Variants in RFTN1 observed in about 807,000 individuals in gnomAD.
RFTN1 encodes the protein raftlin.
RFTN1 carries 26 observed loss-of-function variants against 46.5 expected under a neutral mutation model. The ratio of observed to expected loss-of-function variants is 0.56; its 90% CI spans 0.41 to 0.78. RFTN1 has a LOEUF of 0.78. Among genes scored for constraint, RFTN1 ranks in the 30% least tolerant of loss-of-function variants. The pLI is 0.00. For missense variants in RFTN1, 693 were observed against 718.7 expected (o/e 0.96, Z 0.41); for synonymous variants, 261 against 284.2 (o/e 0.92, Z 0.82).
At position 16,361,782 on chromosome 3, in the gene RFTN1, G is replaced by A. The variant is rs896270507; in HGVS notation, c.1031-3735C>T. ...ATGCAAGCAGAGACATAAAAAGCAC[G>A]TGTGTGGTTGAACTTGGCCTCTTGT... On this transcript the variant is annotated intron_variant, in intron 6 of 9. Coordinates refer to ENST00000334133, the MANE Select transcript of RFTN1 (RefSeq NM_015150.2). The surrounding 1 kb of genome is among the most constrained non-coding windows in gnomAD (Gnocchi z 4.3). Among the ~76,000 whole-genome samples, 5 of 152,216 alleles carry A rather than the reference G, an allele frequency of 3.3e-5. No homozygotes were observed. The highest frequency in any genetic ancestry group is 3.2e-3 in the Middle Eastern group (1 of 316).
intron 1 of RFTN1, among the ~76,000 whole-genome samples, chr3:16,502,400 G>T (rs901084732): frequency 2.7e-5 from 4 of 148,310 alleles, no homozygotes; most frequent in African/African-American, 7.4e-5. Context: ...AAAAAAAAAA[G>T]AAAGAAAGAA....
rs1487276522 is a variant in RFTN1, at chr3:16,427,126, T to C, written c.332+6725A>G. ...CAAGATGGCAGCCAGTGGCATGGGTTAGGGACAAACAATCCTACTTTGGAA... is the reference window on the plus strand; with the variant it reads ...CAAGATGGCAGCCAGTGGCATGGGTCAGGGACAAACAATCCTACTTTGGAA... On this transcript the variant is annotated intron_variant, in intron 3 of 9. Transcript: ENST00000334133. The surrounding 1 kb of genome is among the most constrained non-coding windows in gnomAD (Gnocchi z 5.4). Among the ~76,000 whole-genome samples, 1 of 152,218 alleles carries C rather than the reference T, an allele frequency of 6.6e-6. No individual in the cohort carries two copies. The highest frequency in any genetic ancestry group is 1.5e-5 in the Non-Finnish European group (1 of 68,040).
chr3:16,487,795 G>A (rs2076473926), intron 2 of RFTN1, among the ~76,000 whole-genome samples: 2 of 152,202 alleles, frequency 1.3e-5, no homozygotes, highest in Admixed American at 1.3e-4. Flanking sequence ...CTGGCAAAAC[G>A]CTCACATAAA....
At chr3:16,359,248 G>A (rs1022011226) in intron 6 of RFTN1, among the ~76,000 whole-genome samples, 1 of 152,072 alleles carries the variant, frequency 6.6e-6, no homozygotes, top group Admixed American at 6.6e-5. Context: ...CAAGGGCTAG[G>A]TCTCTCATCT....
chr3:16,488,282 A>T (rs1041856715), intron 2 of RFTN1, among the ~76,000 whole-genome samples: 1 of 152,142 alleles, frequency 6.6e-6, no homozygotes, highest in African/African-American at 2.4e-5. Flanking sequence ...TATTTTTAGT[A>T]GAGATGGGGT....
At position 16,352,645 on chromosome 3, in the gene RFTN1, A is replaced by G. The variant is rs2072178409; in HGVS notation, c.1146+5287T>C. 6.6e-6 allele frequency among the ~76,000 whole-genome samples: 1 copy of G among 152,178 alleles called. No homozygotes were observed. The highest frequency in any genetic ancestry group is 6.5e-5 in the Admixed American group (1 of 15,278). On this transcript the variant is annotated intron_variant, in intron 7 of 9. Transcript: ENST00000334133. The surrounding 1 kb of genome is among the most constrained non-coding windows in gnomAD (Gnocchi z 4.6). ...ATAAAACGAAGGCAATGGGGGGAGG[A>G]TCTGTCTCACTGATGATACCAGGTG...
intron 1 of RFTN1, among the ~76,000 whole-genome samples, chr3:16,508,955 G>A (rs910539568): frequency 5.9e-5 from 9 of 152,264 alleles, no homozygotes; most frequent in East Asian, 1.9e-4. Flanking sequence ...CTTGAAATGC[G>A]GTGAGTGAGA....
chr3:16,338,913 T>C lies in RFTN1; in HGVS notation c.1147-12037A>G, dbSNP rs770799854. 8.5e-5 allele frequency among the ~76,000 whole-genome samples: 13 copies of C among 152,200 alleles called. No homozygotes were observed. Among genetic ancestry groups the C allele is most frequent in the Non-Finnish European group, 1.9e-4 (13 of 68,024 alleles). ...ACCCAAAACTGTCAACGTTGTCCCC[T>C]CCACCTGTCAGCAGTGGATTCCTAA... On this transcript the variant is annotated intron_variant, in intron 7 of 9. Coordinates refer to ENST00000334133, the MANE Select transcript of RFTN1 (RefSeq NM_015150.2). This position sits in a 1 kb window ranked among gnomAD's most constrained non-coding sequence, Gnocchi z 5.3.
At position 16,407,530 on chromosome 3, in the gene RFTN1, G is replaced by A. The variant is rs2074887943; in HGVS notation, c.441+1845C>T. Among the ~76,000 whole-genome samples the A allele has an allele frequency of 6.6e-6, 1 of 152,124 alleles. No individual in the cohort carries two copies. Among genetic ancestry groups the A allele is most frequent in the African/African-American group, 2.4e-5 (1 of 41,416 alleles). ...TTTTAAAAAGCATATTTGAGAGTGG[G>A]CAGAGCCTTATGCCTTTCTTTTACT... is the stretch of plus-strand genomic sequence containing the variant. On this transcript the variant is annotated intron_variant, in intron 4 of 9. Transcript: ENST00000334133. The surrounding 1 kb of genome is among the most constrained non-coding windows in gnomAD (Gnocchi z 4.0).
Position 16,321,488 on chromosome 3 carries a change from G to C in RFTN1, c.1332+1888C>G, listed in dbSNP as rs964665232. Among the ~76,000 whole-genome samples, 1 of 152,172 alleles carries C rather than the reference G, an allele frequency of 6.6e-6. No individual in the cohort carries two copies. The highest frequency in any genetic ancestry group is 2.4e-5 in the African/African-American group (1 of 41,424). On this transcript the variant is annotated intron_variant, in intron 9 of 9. Transcript: ENST00000334133. The surrounding 1 kb of genome is among the most constrained non-coding windows in gnomAD (Gnocchi z 4.8). ...ATGGAGTGACTCTCGGTCACCAGGG[G>C]ACACAGGCCTGTGGGAGTAGGACGC...
At position 16,426,466 on chromosome 3, in the gene RFTN1, A is replaced by C. The variant is rs145988718; in HGVS notation, c.332+7385T>G. ...CCAATTTTGCCCTTTTCAAATGCCA[A>C]AGAAAATGTTCATATTATCTTGTAG... On this transcript the variant is annotated intron_variant, in intron 3 of 9. Coordinates refer to ENST00000334133, the MANE Select transcript of RFTN1 (RefSeq NM_015150.2). The surrounding 1 kb of genome is among the most constrained non-coding windows in gnomAD (Gnocchi z 5.9). Among the ~76,000 whole-genome samples the C allele has an allele frequency of 2.6e-3, 391 of 152,312 alleles. 1 individual carries two copies. Among genetic ancestry groups the C allele is most frequent in the African/African-American group, 9.0e-3 (372 of 41,560 alleles).
chr3:16,376,755 C>T lies in RFTN1; in HGVS notation c.826+963G>A, dbSNP rs978025694. Among the ~76,000 whole-genome samples the T allele has an allele frequency of 7.9e-5, 12 of 152,150 alleles. No individual in the cohort carries two copies. Among genetic ancestry groups the T allele is most frequent in the African/African-American group, 2.9e-4 (12 of 41,438 alleles). ...CTCTAAATCAACTTTGCAAATAAGC[C>T]CCTGGAATTAACCATCCCATAATTT... On this transcript the variant is annotated intron_variant, in intron 5 of 9. Coordinates refer to ENST00000334133, the MANE Select transcript of RFTN1 (RefSeq NM_015150.2). This position sits in a 1 kb window ranked among gnomAD's most constrained non-coding sequence, Gnocchi z 4.7.
At position 16,321,640 on chromosome 3, in the gene RFTN1, AG is replaced by A. The variant is rs934394272; in HGVS notation, c.1332+1735del. On this transcript the variant is annotated intron_variant, in intron 9 of 9. Transcript: ENST00000334133. The surrounding 1 kb of genome is among the most constrained non-coding windows in gnomAD (Gnocchi z 4.8). ...TGAGGTGACCCAGAGGGTCTTGTGT[AG>A]AACAAGTGCTCCACACCAGTCACCT... is the stretch of plus-strand genomic sequence containing the variant. 6.6e-5 allele frequency among the ~76,000 whole-genome samples: 10 copies of A among 152,154 alleles called. No homozygotes were observed. Among genetic ancestry groups the A allele is most frequent in the African/African-American group, 2.4e-4 (10 of 41,430 alleles).
intron 2 of RFTN1, among the ~76,000 whole-genome samples, chr3:16,492,439 G>A (rs2076551730): frequency 6.6e-6 from 1 of 152,180 alleles, no homozygotes; most frequent in Non-Finnish European, 1.5e-5. Flanking sequence ...GGACACCCGT[G>A]TTCCTTTTAT....
chr3:16,320,342 A>G lies in RFTN1; in HGVS notation c.1332+3034T>C, dbSNP rs1438156207. On this transcript the variant is annotated intron_variant, in intron 9 of 9. Transcript: ENST00000334133. The surrounding 1 kb of genome is among the most constrained non-coding windows in gnomAD (Gnocchi z 4.5). The stretch of plus-strand genomic sequence containing the variant: ...ATGTTGCTGATTAAAAGAAGACTAA[A>G]TATGCCACATCCTCGGTGTGCCAAT... 6.6e-6 allele frequency among the ~76,000 whole-genome samples: 1 copy of G among 152,240 alleles called. No homozygotes were observed. The highest frequency in any genetic ancestry group is 1.5e-5 in the Non-Finnish European group (1 of 68,044).
chr3:16,496,476 G>A (rs961870140), intron 1 of RFTN1, among the ~76,000 whole-genome samples: 4 of 152,196 alleles, frequency 2.6e-5, no homozygotes, highest in African/African-American at 9.6e-5. Context: ...GAACATAAGA[G>A]AAGAAGCTCA....
intron 4 of RFTN1, among the ~76,000 whole-genome samples, chr3:16,379,517 TAA>T (rs1386709608): frequency 6.6e-6 from 1 of 152,176 alleles, no homozygotes; most frequent in Non-Finnish European, 1.5e-5. Context: ...CCAGAGACAT[TAA>T]AGTCATAAAA....
chr3:16,428,308 G>C lies in RFTN1; in HGVS notation c.332+5543C>G, dbSNP rs2075322270. On this transcript the variant is annotated intron_variant, in intron 3 of 9. Coordinates refer to ENST00000334133, the MANE Select transcript of RFTN1 (RefSeq NM_015150.2). This position sits in a 1 kb window ranked among gnomAD's most constrained non-coding sequence, Gnocchi z 4.7. ...ACCATCCTAGGTGTGATTCCAATGA[G>C]TACTCACTATAAACCCAAACCAGCT... Among the ~76,000 whole-genome samples the C allele has an allele frequency of 6.6e-6, 1 of 152,110 alleles. No homozygotes were observed. The highest frequency in any genetic ancestry group is 6.5e-5 in the Admixed American group (1 of 15,268).
rs1165424076 is a variant in RFTN1 at position 16,322,621 on chromosome 3, C to T, written c.1332+755G>A. Among the ~76,000 whole-genome samples, 1 of 152,180 alleles carries T rather than the reference C, an allele frequency of 6.6e-6. No individual in the cohort carries two copies. Among genetic ancestry groups the T allele is most frequent in the African/African-American group, 2.4e-5 (1 of 41,448 alleles). On this transcript the variant is annotated intron_variant, in intron 9 of 9. Coordinates refer to ENST00000334133, the MANE Select transcript of RFTN1 (RefSeq NM_015150.2). This position sits in a 1 kb window ranked among gnomAD's most constrained non-coding sequence, Gnocchi z 6.2. Reference sequence around the variant, plus strand: ...GGTGAAAATGTCCTCAGGAAAAGCACCACAGGCTGCTCAGGGTGGGGTGGG... The same window carrying T: ...GGTGAAAATGTCCTCAGGAAAAGCATCACAGGCTGCTCAGGGTGGGGTGGG...
Sources: allele counts gnomAD v4.1 joint callset (sites outside exome capture counted in the v4.1 genomes callset), GRCh38; gene constraint gnomAD v4.1.1; non-coding constraint Gnocchi (gnomAD v3.1); transcripts MANE v1.5; gene names NCBI Gene and HGNC (gene_info 2026-07-23, HGNC 2026-07-21).